PPP2R3A: variants seen among roughly 807,000 people sequenced by gnomAD.
The protein encoded by PPP2R3A is protein phosphatase 2 regulatory subunit B''alpha.
In PPP2R3A, 80 loss-of-function variants were observed where a neutral mutation model predicts 106.9. The observed-to-expected ratio is 0.75, with a 90% confidence interval of 0.62 to 0.90. The LOEUF is 0.90. Among genes scored for constraint, PPP2R3A ranks in the 40% least tolerant of loss-of-function variants. The probability of loss-of-function intolerance (pLI) is 0.00; values close to 1 mark genes in which losing one functional copy is unlikely to be tolerated. For synonymous variants in PPP2R3A, 483 were observed against 468.3 expected (o/e 1.03, Z -0.41); for missense variants, 1,386 against 1,350.4 (o/e 1.03, Z -0.41).
At chr3:136,128,966 C>A (rs138833804) in intron 13 of PPP2R3A, among the ~76,000 whole-genome samples, 10 of 152,070 alleles carry the variant, frequency 6.6e-5, no homozygotes, top group Non-Finnish European at 1.3e-4. Flanking sequence ...TTGTTTGAAA[C>A]CAATGAGAAC....
intron 2 of PPP2R3A, chr3:136,022,947 T>A: frequency 6.6e-7 from 1 of 1,514,132 alleles, no homozygotes; most frequent in Non-Finnish European, 8.8e-7. Flanking sequence ...TGCTTGAATT[T>A]CATTTCTTTG....
At chr3:136,049,535 G>A (rs1212858619) in intron 5 of PPP2R3A, among the ~76,000 whole-genome samples, 174 bp downstream of exon 5, 3 of 152,070 alleles carry the variant, frequency 2.0e-5, no homozygotes, top group Admixed American at 6.6e-5. Context: ...ATGAAATCTC[G>A]TTAAATGAAA....
chr3:136,007,617 G>T (rs564935126), intron 2 of PPP2R3A, among the ~76,000 whole-genome samples: 29 of 152,270 alleles, frequency 1.9e-4, no homozygotes, highest in African/African-American at 6.7e-4. Context: ...GAAATCCCTC[G>T]ATAATATGCT....
At chr3:136,060,368 C>T (rs1034417719) in intron 5 of PPP2R3A, among the ~76,000 whole-genome samples, 1 of 152,118 alleles carries the variant, frequency 6.6e-6, no homozygotes, top group Non-Finnish European at 1.5e-5. Context: ...TATGGTTTAG[C>T]TCTGTGTCCC....
chr3:136,017,291 C>T (rs568280122), intron 2 of PPP2R3A, among the ~76,000 whole-genome samples: 3 of 152,242 alleles, frequency 2.0e-5, no homozygotes, highest in African/African-American at 7.2e-5. Flanking sequence ...ATGACTGTGC[C>T]TAGGCGATGA....
intron 5 of PPP2R3A, among the ~76,000 whole-genome samples, chr3:136,063,477 G>A (rs1305450956): frequency 1.3e-5 from 2 of 152,152 alleles, no homozygotes; most frequent in East Asian, 1.9e-4. Context: ...CCATCAGAGT[G>A]AACAGGCAAC....
At position 136,027,137 on chromosome 3, in the gene PPP2R3A, T is replaced by G. The variant is rs751920444; in HGVS notation, c.2262+39T>G. The G allele has an allele frequency of 5.2e-5, 81 of 1,549,096 alleles. No individual in the cohort carries two copies. The African/African-American group carries it at 8.5e-4, about 16-fold the overall frequency. On this transcript the variant is annotated intron_variant, in intron 3 of 13. Coordinates refer to ENST00000264977, the MANE Select transcript of PPP2R3A (RefSeq NM_002718.5). ...TAAATGATTTACAATCTCCCCTTCTTTAGAAACCCTGATCCCCTCCCCTTC... is the reference window on the plus strand; with the variant it reads ...TAAATGATTTACAATCTCCCCTTCTGTAGAAACCCTGATCCCCTCCCCTTC...
intron 13 of PPP2R3A, among the ~76,000 whole-genome samples, chr3:136,140,745 T>C (rs900787226): frequency 1.4e-5 from 2 of 140,264 alleles, no homozygotes; most frequent in African/African-American, 5.4e-5. Context: ...CAAAACTCAG[T>C]CTCAAAAAAA....
At chr3:136,006,705 T>G (rs1933856137) in intron 2 of PPP2R3A, among the ~76,000 whole-genome samples, 1 of 152,210 alleles carries the variant, frequency 6.6e-6, no homozygotes, top group South Asian at 2.1e-4. Context: ...CTTTGTCAAA[T>G]CTTAACATTT....
At chr3:136,008,830 T>G (rs1184096452) in intron 2 of PPP2R3A, among the ~76,000 whole-genome samples, 5 of 152,066 alleles carry the variant, frequency 3.3e-5, no homozygotes, top group Admixed American at 2.6e-4. Flanking sequence ...CTTGCTCCAT[T>G]AAGCCCACAG....
intron 13 of PPP2R3A, among the ~76,000 whole-genome samples, chr3:136,132,083 C>A (rs1439368659): frequency 1.3e-5 from 2 of 151,958 alleles, no homozygotes; most frequent in East Asian, 3.9e-4. Flanking sequence ...TTGATGGCTG[C>A]AGCAAACCAC....
chr3:136,005,893 A>G (rs1171598419), intron 2 of PPP2R3A, among the ~76,000 whole-genome samples: 2 of 152,176 alleles, frequency 1.3e-5, no homozygotes, highest in East Asian at 3.8e-4. Context: ...CATTATAACC[A>G]GAAACTCTCA....
At chr3:136,017,705 ACTCT>A (rs1236091125) in intron 2 of PPP2R3A, among the ~76,000 whole-genome samples, 1 of 151,198 alleles carries the variant, frequency 6.6e-6, no homozygotes, top group Non-Finnish European at 1.5e-5. Context: ...CTTCAGAGTG[ACTCT>A]CTGTCTTTGG....
At chr3:136,034,432 A>G (rs372884181) in intron 3 of PPP2R3A, among the ~76,000 whole-genome samples, 1 of 152,184 alleles carries the variant, frequency 6.6e-6, no homozygotes, top group African/African-American at 2.4e-5. Flanking sequence ...CACTATTGTC[A>G]TTCAGTTTGA....
intron 3 of PPP2R3A, among the ~76,000 whole-genome samples, chr3:136,038,188 A>G (rs1373971261): frequency 6.6e-6 from 1 of 150,986 alleles, no homozygotes; most frequent in Non-Finnish European, 1.5e-5. Flanking sequence ...TGCCTTTCCC[A>G]TTTTTTCCCT....
chr3:135,994,962 G>C (rs1274303167), intron 1 of PPP2R3A, among the ~76,000 whole-genome samples: 1 of 152,162 alleles, frequency 6.6e-6, no homozygotes, highest in Non-Finnish European at 1.5e-5. Flanking sequence ...CTGCCATATA[G>C]CAGTTTATTG....
chr3:136,082,943 A>G (rs939193556), intron 8 of PPP2R3A, among the ~76,000 whole-genome samples: 6 of 152,238 alleles, frequency 3.9e-5, no homozygotes, highest in Admixed American at 6.5e-5. Context: ...AAAAAATTAC[A>G]TATCACATGA....
intron 4 of PPP2R3A, among the ~76,000 whole-genome samples, chr3:136,045,866 G>T (rs949999740): frequency 6.6e-6 from 1 of 152,152 alleles, no homozygotes; most frequent in African/African-American, 2.4e-5. Flanking sequence ...AGAAAACCCA[G>T]TACAGGATTC....
rs1939135144 is a variant in PPP2R3A, at chr3:136,146,583, C to T, written c.*1417C>T. 6.6e-6 allele frequency: 1 copy of T among 152,048 alleles called. No homozygotes were observed. The highest frequency in any genetic ancestry group is 1.5e-5 in the Non-Finnish European group (1 of 67,998). The allele number at this position is 152,048 out of a possible 1,614,324, so 9.4% of individuals were successfully genotyped here. Reference sequence around the variant, plus strand: ...AGTGAGAGTTAACAATCCTAGGAATCCTGCCTGTCACAAGCTCCCAGTTCC... The same window carrying T: ...AGTGAGAGTTAACAATCCTAGGAATTCTGCCTGTCACAAGCTCCCAGTTCC... On this transcript the variant is annotated 3_prime_UTR_variant, in exon 14 of 14. Coordinates refer to ENST00000264977, the MANE Select transcript of PPP2R3A (RefSeq NM_002718.5).
Sources: gnomAD v4.1 joint callset for allele counts (sites outside exome capture counted in the v4.1 genomes callset) on GRCh38, gnomAD v4.1.1 for gene constraint, MANE v1.5 for transcripts, NCBI Gene and HGNC (gene_info 2026-07-23, HGNC 2026-07-21) for gene names.